The following PRELID2 variants were observed in gnomAD, a reference collection of about 807,000 sequenced individuals.
PRELID2 encodes PRELI domain containing 2.
A neutral mutation model predicts 28.4 loss-of-function variants in PRELID2; 25 were observed. That is an observed-to-expected ratio of 0.88 (90% CI 0.64 to 1.23). The LOEUF (loss-of-function observed/expected upper bound fraction) is 1.23. PRELID2 is among the 50% of genes most tolerant of loss of function. The probability of loss-of-function intolerance (pLI) is 0.00; values close to 1 mark genes in which losing one functional copy is unlikely to be tolerated. For synonymous variants in PRELID2, 76 were observed against 71.6 expected (o/e 1.06, Z -0.31); for missense variants, 201 against 214.4 (o/e 0.94, Z 0.39).
intron 1 of PRELID2, among the ~76,000 whole-genome samples, chr5:145,519,571 C>T (rs1304743130): frequency 6.6e-6 from 1 of 152,132 alleles, no homozygotes. Context: ...CATACAGTTG[C>T]TTCCGATGAG....
intron 1 of PRELID2, among the ~76,000 whole-genome samples, chr5:145,683,264 A>G (rs901376127): frequency 6.6e-6 from 1 of 152,190 alleles, no homozygotes; most frequent in African/African-American, 2.4e-5. Flanking sequence ...ATACCTAGAT[A>G]GTGACTAAAG....
At chr5:145,409,584 G>C in the PRELID2 span, among the ~76,000 whole-genome samples, 3 of 151,932 alleles carry the variant, frequency 2.0e-5, no homozygotes, top group South Asian at 4.2e-4. Context: ...TCTTATATCA[G>C]ACTAAAGAGA....
Position 145,637,013 on chromosome 5 carries a change from C to A in PRELID2, n.70+127918G>T, listed in dbSNP as rs147114347. Among the ~76,000 whole-genome samples the A allele has an allele frequency of 1.5e-3, 233 of 152,116 alleles. 2 individuals are homozygous for A. Among genetic ancestry groups the A allele is most frequent in the African/African-American group, 5.5e-3 (227 of 41,500 alleles). On this transcript the variant is annotated intron_variant and non_coding_transcript_variant, in intron 1 of 2. Coordinates refer to the PRELID2 transcript ENST00000510259. ...CTGCTCAAGGCAGAACACAGTCAAG[C>A]AGAGAATAGACATCCATCATTTATG...
intron 1 of PRELID2, among the ~76,000 whole-genome samples, chr5:145,596,583 C>T (rs545679673): frequency 5.3e-5 from 8 of 152,206 alleles, no homozygotes; most frequent in African/African-American, 1.9e-4. Context: ...AAGACCAAGC[C>T]TTCTTGCCTA....
chr5:145,644,179 C>A (rs1451240671), intron 1 of PRELID2, among the ~76,000 whole-genome samples: 1 of 150,282 alleles, frequency 6.7e-6, no homozygotes, highest in Non-Finnish European at 1.5e-5. Context: ...TAATTACTGC[C>A]TCAATTTCAG....
In PRELID2 at chr5:145,567,264, T is replaced by C. The variant is rs190683608; in HGVS notation, n.71-93949A>G. On this transcript the variant is annotated intron_variant and non_coding_transcript_variant, in intron 1 of 2. Coordinates refer to the PRELID2 transcript ENST00000510259. ...AATCTCAAATTGTAATCCCCATGTGTCAAGAGAAGAAAGTGATTGAATCAT... is the reference window on the plus strand; with the variant it reads ...AATCTCAAATTGTAATCCCCATGTGCCAAGAGAAGAAAGTGATTGAATCAT... Among the ~76,000 whole-genome samples the C allele has an allele frequency of 1.2e-3, 177 of 152,306 alleles. 1 individual carries two copies. Among genetic ancestry groups the C allele is most frequent in the Middle Eastern group, 3.4e-3 (1 of 294 alleles).
At chr5:145,426,957 G>A in the PRELID2 span, among the ~76,000 whole-genome samples, 486 of 152,300 alleles carry the variant, frequency 3.2e-3, 4 homozygotes, top group African/African-American at 0.011. Flanking sequence ...CCCACCAATA[G>A]GCTTTTTTGT....
the PRELID2 span, among the ~76,000 whole-genome samples, chr5:145,348,627 T>C: frequency 3.3e-5 from 5 of 151,686 alleles, no homozygotes; most frequent in African/African-American, 1.2e-4. Flanking sequence ...TTTTTTTCTA[T>C]TATAAATTGC....
chr5:145,567,183 A>T (rs1208391560), intron 1 of PRELID2, among the ~76,000 whole-genome samples: 1 of 152,212 alleles, frequency 6.6e-6, no homozygotes, highest in Non-Finnish European at 1.5e-5. Flanking sequence ...GCCAAGAAAG[A>T]TTAAAATATT....
At chr5:145,640,202 G>A (rs965224777) in intron 1 of PRELID2, among the ~76,000 whole-genome samples, 12 of 152,110 alleles carry the variant, frequency 7.9e-5, no homozygotes, top group African/African-American at 2.2e-4. Flanking sequence ...AAAATTGGCC[G>A]GCGGCCGGGC....
the PRELID2 span, among the ~76,000 whole-genome samples, chr5:145,339,308 G>T: frequency 6.6e-6 from 1 of 152,216 alleles, no homozygotes; most frequent in East Asian, 1.9e-4. Context: ...GAGGCAGCTT[G>T]CTCAGCCAGG....
chr5:145,766,735 T>C (rs907354228), intron 5 of PRELID2, among the ~76,000 whole-genome samples: 21 of 152,126 alleles, frequency 1.4e-4, no homozygotes, highest in African/African-American at 5.1e-4. Context: ...GCTCCACCAA[T>C]CATTCTGCTA....
the PRELID2 span, among the ~76,000 whole-genome samples, chr5:145,409,275 TA>T: frequency 6.6e-6 from 1 of 152,110 alleles, no homozygotes; most frequent in Non-Finnish European, 1.5e-5. Flanking sequence ...CCTTAAAGCA[TA>T]AATCTCACAA....
the PRELID2 span, among the ~76,000 whole-genome samples, chr5:145,459,146 G>A: frequency 6.6e-6 from 1 of 152,132 alleles, no homozygotes. Context: ...TAGGAACAAG[G>A]ACTGCCAGGC....
At chr5:145,746,576 T>C (rs1204144493) in intron 1 of PRELID2, among the ~76,000 whole-genome samples, 2 of 152,086 alleles carry the variant, frequency 1.3e-5, no homozygotes, top group Admixed American at 1.3e-4. Flanking sequence ...TCCCACACAA[T>C]AATAGTGGGA....
At chr5:145,553,019 A>G (rs1479395656) in intron 1 of PRELID2, among the ~76,000 whole-genome samples, 1 of 152,216 alleles carries the variant, frequency 6.6e-6, no homozygotes, top group Non-Finnish European at 1.5e-5. Context: ...TTTTGCAGAT[A>G]TTTCCCAAGG....
chr5:145,322,835 C>G, the PRELID2 span, among the ~76,000 whole-genome samples: 2 of 151,866 alleles, frequency 1.3e-5, no homozygotes, highest in Admixed American at 6.5e-5. Flanking sequence ...ATCATGAGGT[C>G]AAGAAAGTAG....
the PRELID2 span, among the ~76,000 whole-genome samples, chr5:145,362,955 C>T: frequency 6.6e-6 from 1 of 151,868 alleles, no homozygotes; most frequent in Admixed American, 6.6e-5. Context: ...CCTACCTCAA[C>T]CTCTTCTTCT....
rs948830053 is a variant in PRELID2, at chr5:145,809,632, A to C, written c.368+8262T>G. Among the ~76,000 whole-genome samples, 6 of 152,244 alleles carry C rather than the reference A, an allele frequency of 3.9e-5. No individual in the cohort carries two copies. In the East Asian group the frequency reaches 9.6e-4, roughly 24 times the overall value. The stretch of plus-strand genomic sequence containing the variant: ...CAAAAATAAGCAGCAGAGGATAAGC[A>C]GAAGCTTTTAGACATAGAAAGCTGA... On this transcript the variant is annotated intron_variant, in intron 4 of 6. Coordinates refer to ENST00000683046, the MANE Select transcript of PRELID2 (RefSeq NM_205846.3).
Sources: gnomAD v4.1 joint callset for allele counts (sites outside exome capture counted in the v4.1 genomes callset) on GRCh38, gnomAD v4.1.1 for gene constraint, MANE v1.5 for transcripts, NCBI Gene and HGNC (gene_info 2026-07-23, HGNC 2026-07-21) for gene names.